SLC14A2: variants seen among roughly 807,000 people sequenced by gnomAD.
SLC14A2 encodes solute carrier family 14 member 2, also known as urea transporter 2.
A neutral mutation model predicts 104.6 loss-of-function variants in SLC14A2; 91 were observed. That is an observed-to-expected ratio of 0.87 (90% CI 0.73 to 1.04). SLC14A2 has a LOEUF of 1.04. Among genes scored for constraint, SLC14A2 ranks in the 50% least tolerant of loss-of-function variants. The pLI is 0.00. For missense variants in SLC14A2, 1,189 were observed against 1,156.0 expected, an observed-to-expected ratio of 1.03 and a Z score of -0.41; for synonymous variants, 476 against 466.4, an observed-to-expected ratio of 1.02 and a Z score of -0.27.
chr18:45,297,688 C>T (rs1244806432), intron 1 of SLC14A2, among the ~76,000 whole-genome samples: 2 of 152,028 alleles, frequency 1.3e-5, no homozygotes, highest in African/African-American at 2.4e-5. Flanking sequence ...TACGTGAAGG[C>T]GCATGTTCTA....
chr18:45,386,708 G>A (rs1232646155), intron 1 of SLC14A2, among the ~76,000 whole-genome samples: 1 of 152,190 alleles, frequency 6.6e-6, no homozygotes, highest in African/African-American at 2.4e-5. Flanking sequence ...AGACTTTGGG[G>A]CCAGGCCGGA....
At chr18:45,210,093 T>G (rs1176475543), upstream of SLC14A2, among the ~76,000 whole-genome samples, 1 of 152,182 alleles carries the variant, frequency 6.6e-6, no homozygotes, top group African/African-American at 2.4e-5. Flanking sequence ...CAGATCATGG[T>G]CGCTCGAGCC....
At chr18:45,509,057 C>T (rs1288030045) in intron 2 of SLC14A2, among the ~76,000 whole-genome samples, 1 of 152,144 alleles carries the variant, frequency 6.6e-6, no homozygotes, top group African/African-American at 2.4e-5. Flanking sequence ...TGACTCTATC[C>T]TGGAGCCTCC....
At chr18:45,323,681 G>C (rs1424344067) in intron 1 of SLC14A2, among the ~76,000 whole-genome samples, 3 of 152,140 alleles carry the variant, frequency 2.0e-5, no homozygotes, top group African/African-American at 4.8e-5. Context: ...GTGTTCTGGG[G>C]AGACCAGGGA....
chr18:45,635,123 G>A (rs745776991), intron 5 of SLC14A2, among the ~76,000 whole-genome samples: 1 of 152,206 alleles, frequency 6.6e-6, no homozygotes, highest in Non-Finnish European at 1.5e-5. Context: ...CTGGTCGGTG[G>A]CAGGAGACAG....
chr18:45,634,159 C>A (rs2045384434), intron 5 of SLC14A2, among the ~76,000 whole-genome samples: 1 of 152,146 alleles, frequency 6.6e-6, no homozygotes, highest in Non-Finnish European at 1.5e-5. Context: ...TTCATCAATC[C>A]ATTTATGGGG....
intron 1 of SLC14A2, among the ~76,000 whole-genome samples, chr18:45,425,719 G>T (rs1390536556): frequency 6.6e-6 from 1 of 152,180 alleles, no homozygotes; most frequent in Non-Finnish European, 1.5e-5. Context: ...TTCAGTGTCA[G>T]TCAGGCCCCT....
intron 1 of SLC14A2, among the ~76,000 whole-genome samples, chr18:45,418,668 G>GA (rs2061839847): frequency 2.6e-5 from 4 of 152,190 alleles, no homozygotes; most frequent in Admixed American, 2.6e-4. Flanking sequence ...GATGGCATCA[G>GA]AAAGTCATTT....
chr18:45,642,267 C>T (rs1207950552), intron 8 of SLC14A2, among the ~76,000 whole-genome samples: 2 of 152,186 alleles, frequency 1.3e-5, no homozygotes, highest in African/African-American at 2.4e-5. Flanking sequence ...TTCCATATCC[C>T]TTGTATCCCC....
intron 2 of SLC14A2, among the ~76,000 whole-genome samples, chr18:45,532,484 A>T (rs2043709514): frequency 7.3e-6 from 1 of 136,466 alleles, no homozygotes; most frequent in South Asian, 2.3e-4. Context: ...GAGTTCACTC[A>T]TGATTTGGCT....
At position 45,391,792 on chromosome 18, in the gene SLC14A2, A is replaced by G. The variant is rs191312083; in HGVS notation, c.-124-91441A>G. Among the ~76,000 whole-genome samples, 841 of 152,188 alleles carry G rather than the reference A, an allele frequency of 5.5e-3. 6 individuals carry two copies. The highest frequency in any genetic ancestry group is 0.019 in the African/African-American group (785 of 41,522). On this transcript the variant is annotated intron_variant, in intron 1 of 20. Transcript: ENST00000586448. The stretch of plus-strand genomic sequence containing the variant: ...GGGGTTGTTTGTTTATTTCTTGTAC[A>G]TTTGTTTGAGTTCATTGTAGATTCT...
rs182321547 is a variant in SLC14A2, at chr18:45,474,608, G to A, written c.-124-8625G>A. Among the ~76,000 whole-genome samples the A allele has an allele frequency of 3.3e-4, 50 of 152,266 alleles. No individual in the cohort carries two copies. The East Asian group carries it at 9.2e-3, about 28-fold the overall frequency. On this transcript the variant is annotated intron_variant, in intron 1 of 20. Transcript: ENST00000586448. ...ACTTCTTCCTGGTTTAGTCTTGGGA[G>A]GGTGTATGTGTCCAGGAATTTATCC...
chr18:45,483,277 A>T (rs1400257350), exon 2 of SLC14A2: 1 of 152,226 alleles, frequency 6.6e-6, no homozygotes, highest in Non-Finnish European at 1.5e-5. Context: ...GTAGAGATTC[A>T]TAAGACCTTT....
intron 1 of SLC14A2, among the ~76,000 whole-genome samples, chr18:45,350,161 C>G (rs974940467): frequency 1.3e-5 from 2 of 152,190 alleles, no homozygotes; most frequent in Non-Finnish European, 2.9e-5. Context: ...GGGAGCATTT[C>G]CTATGACTGA....
chr18:45,433,664 T>C (rs2086553154), intron 1 of SLC14A2, among the ~76,000 whole-genome samples: 1 of 152,242 alleles, frequency 6.6e-6, no homozygotes, highest in Admixed American at 6.5e-5. Context: ...TGCATTATCT[T>C]AAAGCTTCCT....
intron 2 of SLC14A2, among the ~76,000 whole-genome samples, chr18:45,590,734 C>A (rs2044635808): frequency 6.6e-6 from 1 of 152,200 alleles, no homozygotes; most frequent in South Asian, 2.1e-4. Flanking sequence ...ATCTCTGACC[C>A]AGCTGCCAGG....
At position 45,414,751 on chromosome 18, in the gene SLC14A2, AAAAAAAAT is replaced by A. The variant is rs1265953088; in HGVS notation, c.-124-68480_-124-68473del. On this transcript the variant is annotated intron_variant, in intron 1 of 20. Coordinates refer to the SLC14A2 transcript ENST00000586448. ...GGTGCAAGGCACCGAGCGTAAAAAA[AAAAAAAAT>A]ATATATATATATATATATATATATA... 4.7e-4 allele frequency among the ~76,000 whole-genome samples: 33 copies of A among 70,892 alleles called. 1 individual carries two copies. The highest frequency in any genetic ancestry group is 1.3e-3 in the African/African-American group (22 of 17,084). The allele number at this position is 70,892 out of a possible 152,430, so 46.5% of individuals were successfully genotyped here.
chr18:45,372,636 C>T (rs564113824), intron 1 of SLC14A2, among the ~76,000 whole-genome samples: 13 of 152,234 alleles, frequency 8.5e-5, no homozygotes, highest in Admixed American at 5.9e-4. Context: ...ATGCAAGTTC[C>T]GATGCAGGGT....
chr18:45,289,180 C>T (rs1403580177), intron 1 of SLC14A2, among the ~76,000 whole-genome samples: 1 of 152,168 alleles, frequency 6.6e-6, no homozygotes, highest in Non-Finnish European at 1.5e-5. Context: ...ATTATTATAT[C>T]CATGTCTCTT....
Sources: allele counts gnomAD v4.1 joint callset (sites outside exome capture counted in the v4.1 genomes callset), GRCh38; gene constraint gnomAD v4.1.1; transcripts MANE v1.5; gene names NCBI Gene and HGNC (gene_info 2026-07-23, HGNC 2026-07-21).